ZMAT4: variants seen among roughly 807,000 people sequenced by gnomAD.
ZMAT4 encodes the protein zinc finger matrin-type 4.
Under a neutral mutation model 28.7 loss-of-function variants are expected in ZMAT4, and 17 were observed. That is an observed-to-expected ratio of 0.59 (90% CI 0.41 to 0.89). ZMAT4 has a LOEUF of 0.89. Ranked by LOEUF, ZMAT4 falls within the 40% of genes least tolerant of loss-of-function variation. The pLI is 0.00. For missense variants in ZMAT4, 240 were observed against 283.8 expected (o/e 0.85, Z 1.11); for synonymous variants, 117 against 109.2 (o/e 1.07, Z -0.44).
intron 5 of ZMAT4, among the ~76,000 whole-genome samples, chr8:40,649,340 A>C (rs1807516373): frequency 6.6e-6 from 1 of 152,204 alleles, no homozygotes; most frequent in African/African-American, 2.4e-5. Flanking sequence ...GCCATTACAT[A>C]ATGGTAAAGG....
chr8:40,673,870 T>C (rs1426793484), intron 5 of ZMAT4, among the ~76,000 whole-genome samples: 1 of 152,066 alleles, frequency 6.6e-6, no homozygotes, highest in Admixed American at 6.6e-5. Context: ...GAAAACCCTG[T>C]CTGGGGCAGG....
At chr8:40,745,230 A>C (rs1042240217) in intron 3 of ZMAT4, among the ~76,000 whole-genome samples, 1 of 152,190 alleles carries the variant, frequency 6.6e-6, no homozygotes, top group Non-Finnish European at 1.5e-5. Context: ...ATCAAATTCT[A>C]AAAGGAAATT....
In ZMAT4 at chr8:40,819,914, C is replaced by CAT. The variant is rs754738391; in HGVS notation, c.102+5659_102+5660dup. On this transcript the variant is annotated intron_variant, in intron 2 of 6. Transcript: ENST00000297737. The stretch of plus-strand genomic sequence containing the variant: ...GCAAATATATATGTTTTTATATGTT[C>CAT]ATATATATATATGGAGAGAGAAAGT... Among the ~76,000 whole-genome samples, 606 of 151,154 alleles carry CAT rather than the reference C, an allele frequency of 4.0e-3. 2 individuals are homozygous for CAT. Among genetic ancestry groups the CAT allele is most frequent in the African/African-American group, 0.013 (552 of 41,230 alleles).
intron 1 of ZMAT4, among the ~76,000 whole-genome samples, chr8:40,840,273 G>T (rs1816654894): frequency 6.6e-6 from 1 of 152,114 alleles, no homozygotes; most frequent in Admixed American, 6.5e-5. Context: ...AGCTGCAAAG[G>T]TGAAAAAGCC....
At chr8:40,895,652 T>A (rs770412384) in intron 1 of ZMAT4, among the ~76,000 whole-genome samples, 12 of 151,878 alleles carry the variant, frequency 7.9e-5, no homozygotes, top group Non-Finnish European at 1.5e-4. Context: ...CTCTTCCCTC[T>A]GTGCATGACT....
chr8:40,545,154 T>C (rs575104604), intron 6 of ZMAT4, among the ~76,000 whole-genome samples: 1 of 152,128 alleles, frequency 6.6e-6, no homozygotes, highest in East Asian at 1.9e-4. Flanking sequence ...ACCAAATCTT[T>C]GTGGATTTTT....
chr8:40,595,917 C>G (rs1003296505), intron 5 of ZMAT4, among the ~76,000 whole-genome samples: 1 of 152,020 alleles, frequency 6.6e-6, no homozygotes, highest in African/African-American at 2.4e-5. Context: ...AACCCCATCT[C>G]TACTAAAAAT....
At chr8:40,647,515 G>A (rs1331498450) in intron 5 of ZMAT4, among the ~76,000 whole-genome samples, 2 of 152,178 alleles carry the variant, frequency 1.3e-5, no homozygotes, top group African/African-American at 4.8e-5. Flanking sequence ...GCCCACCATT[G>A]CCCAGGCTTG....
chr8:40,817,824 T>C (rs148786585), intron 2 of ZMAT4, among the ~76,000 whole-genome samples: 136 of 152,272 alleles, frequency 8.9e-4, no homozygotes, highest in Non-Finnish European at 1.7e-3. Flanking sequence ...ATGAGATGGA[T>C]AGTTGGTGGC....
intron 2 of ZMAT4, among the ~76,000 whole-genome samples, chr8:40,804,923 T>A (rs1426460398): frequency 6.6e-6 from 1 of 151,754 alleles, no homozygotes; most frequent in Non-Finnish European, 1.5e-5. Context: ...ATAATATCGT[T>A]TAAACCAATA....
intron 6 of ZMAT4, among the ~76,000 whole-genome samples, chr8:40,551,614 A>C (rs2118423685): frequency 6.6e-6 from 1 of 152,130 alleles, no homozygotes; most frequent in South Asian, 2.1e-4. Flanking sequence ...TGCAGGACAA[A>C]CTCCAAAAAG....
intron 1 of ZMAT4, among the ~76,000 whole-genome samples, chr8:40,893,620 C>T (rs1586238455): frequency 1.3e-5 from 2 of 152,250 alleles, no homozygotes; most frequent in African/African-American, 4.8e-5. Flanking sequence ...CCCAATCCCA[C>T]TAGCAGGTGC....
chr8:40,633,909 G>T (rs1243582199), intron 5 of ZMAT4, among the ~76,000 whole-genome samples: 1 of 152,164 alleles, frequency 6.6e-6, no homozygotes, highest in East Asian at 1.9e-4. Context: ...TTAGCTATGA[G>T]TTACCTCAGC....
intron 3 of ZMAT4, among the ~76,000 whole-genome samples, chr8:40,763,991 A>G (rs4999666): frequency 6.6e-6 from 1 of 152,074 alleles, no homozygotes; most frequent in African/African-American, 2.4e-5. Context: ...ACACACACAA[A>G]AAAAAAACCC....
At chr8:40,540,764 G>A (rs999356913) in intron 6 of ZMAT4, among the ~76,000 whole-genome samples, 14 of 152,310 alleles carry the variant, frequency 9.2e-5, no homozygotes, top group African/African-American at 3.4e-4. Context: ...CTAACTCTAG[G>A]TAGTTAGCGT....
chr8:40,601,446 A>AAGGAAGGG (rs1805309848), intron 5 of ZMAT4, among the ~76,000 whole-genome samples: 2 of 116,452 alleles, frequency 1.7e-5, no homozygotes, highest in Non-Finnish European at 3.4e-5. Context: ...GGAAGGAAGG[A>AAGGAAGGG]AGGAAGGAAG....
intron 5 of ZMAT4, among the ~76,000 whole-genome samples, chr8:40,593,147 C>A (rs558229114): frequency 6.6e-6 from 1 of 152,178 alleles, no homozygotes; most frequent in Admixed American, 6.5e-5. Flanking sequence ...CCATAGATCT[C>A]GTCGGATATA....
At chr8:40,839,100 A>C (rs1333725566) in intron 1 of ZMAT4, among the ~76,000 whole-genome samples, 1 of 152,202 alleles carries the variant, frequency 6.6e-6, no homozygotes, top group Non-Finnish European at 1.5e-5. Context: ...CTCTTCCAGA[A>C]TATTTACTAC....
At chr8:40,643,005 G>A (rs1369407058) in intron 5 of ZMAT4, among the ~76,000 whole-genome samples, 1 of 152,188 alleles carries the variant, frequency 6.6e-6, no homozygotes. Flanking sequence ...TATAACTCTT[G>A]GGATGAAACT....
Sources: gnomAD v4.1 joint callset for allele counts (sites outside exome capture counted in the v4.1 genomes callset) on GRCh38, gnomAD v4.1.1 for gene constraint, MANE v1.5 for transcripts, NCBI Gene and HGNC (gene_info 2026-07-23, HGNC 2026-07-21) for gene names.